DNAH14: variants seen among roughly 807,000 people sequenced by gnomAD.
The protein encoded by DNAH14 is dynein axonemal heavy chain 14, also known as axonemal beta dynein heavy chain 14.
DNAH14 carries 478 observed loss-of-function variants against 520.9 expected under a neutral mutation model. The ratio of observed to expected loss-of-function variants is 0.92; its 90% confidence interval spans 0.85 to 0.99. DNAH14 has a LOEUF of 0.99. Among genes scored for constraint, DNAH14 ranks in the 50% least tolerant of loss-of-function variants. The pLI, the probability that DNAH14 is intolerant of heterozygous loss-of-function variation, is 0.00. For missense variants in DNAH14, 4,831 were observed against 5,234.5 expected (o/e 0.92, Z 2.38); for synonymous variants, 1,581 against 1,757.2 (o/e 0.90, Z 2.51).
intron 17 of DNAH14, among the ~76,000 whole-genome samples, chr1:225,063,831 C>G (rs1208313932): frequency 2.0e-5 from 3 of 151,058 alleles, no homozygotes; most frequent in African/African-American, 7.3e-5. Context: ...AAAACAATGC[C>G]CAAAACATGA....
At position 225,023,635 on chromosome 1, in the gene DNAH14, C is replaced by A; in HGVS notation, c.1128C>A (p.Ile376=). 1.3e-6 allele frequency: 2 copies of A among 1,529,380 alleles called. No homozygotes were observed. The highest frequency in any genetic ancestry group is 2.5e-5 in the South Asian group (2 of 79,320). 94.7% of individuals were successfully genotyped at this position (1,529,380 alleles called of 1,614,324 possible). The change falls in exon 11 of 86, where the codon ATC becomes ATA. Residue 376 remains isoleucine, a synonymous_variant. Coordinates refer to ENST00000682510, the MANE Select transcript of DNAH14 (RefSeq NM_001367479.1). ...TFLKVAEKNE[I]KEYFESKLSE... is the part of the protein sequence containing the mutation. ...TGTAGGTTGCAGAAAAGAATGAAAT[C>A]AAAGAGTATTTTGAGTCAAAACTCT...
In DNAH14 at chr1:225,008,767, A is replaced by T. The variant is rs1028843562; in HGVS notation, c.1107+1223A>T. ...TGATCGCCCTTCTAACTGGCATGAG[A>T]TGGTATCTCATTGTGGTTTTGATTT... On this transcript the variant is annotated intron_variant, in intron 10 of 85. Transcript: ENST00000682510. Among the ~76,000 whole-genome samples, 8 of 151,720 alleles carry T rather than the reference A, an allele frequency of 5.3e-5. No individual in the cohort carries two copies. In the East Asian group the frequency reaches 1.4e-3, roughly 26 times the overall value.
chr1:225,035,477 A>G (rs531867903), intron 11 of DNAH14, among the ~76,000 whole-genome samples: 152 of 150,640 alleles, frequency 1.0e-3, no homozygotes, highest in African/African-American at 3.6e-3. Flanking sequence ...TTTAAGATGT[A>G]TCATTAGGTT....
chr1:225,368,037 G>A lies in DNAH14; in HGVS notation c.12318+5G>A. The A allele has an allele frequency of 6.5e-7, 1 of 1,538,236 alleles. No individual in the cohort carries two copies. The highest frequency in any genetic ancestry group is 8.8e-7 in the Non-Finnish European group (1 of 1,139,916). Reference sequence around the variant, plus strand: ...TTTAATTCTTCAGACTTGGGGGTAAGTGTAGTCTCTTCAAACAAACAACAA... The same window carrying A: ...TTTAATTCTTCAGACTTGGGGGTAAATGTAGTCTCTTCAAACAAACAACAA... On this transcript the variant is annotated splice_donor_5th_base_variant and intron_variant, in intron 77 of 85. Transcript: ENST00000682510.
Position 225,331,422 on chromosome 1 carries a change from T to A in DNAH14, c.9724-15T>A. 5 of 1,547,284 alleles carry A rather than the reference T, an allele frequency of 3.2e-6. No individual in the cohort carries two copies. The highest frequency in any genetic ancestry group is 4.4e-6 in the Non-Finnish European group (5 of 1,144,800). The stretch of plus-strand genomic sequence containing the variant: ...GTAAGATATTTTTCTCAATAATGAA[T>A]TAATTATCTTTCAGGTTGAAGAACA... On this transcript the variant is annotated splice_polypyrimidine_tract_variant and intron_variant, in intron 64 of 85. Transcript: ENST00000682510.
chr1:225,362,700 CA>C (rs924274609), intron 75 of DNAH14, among the ~76,000 whole-genome samples: 1 of 151,008 alleles, frequency 6.6e-6, no homozygotes, highest in African/African-American at 2.4e-5. Flanking sequence ...AGGCTACTAT[CA>C]AAAAAAAGAA....
Position 225,260,044 on chromosome 1 carries a change from A to G in DNAH14, c.7157+791A>G, listed in dbSNP as rs189150234. Among the ~76,000 whole-genome samples the G allele has an allele frequency of 9.9e-5, 15 of 152,198 alleles. No homozygotes were observed. In the East Asian group the frequency reaches 2.7e-3, roughly 27 times the overall value. On this transcript the variant is annotated intron_variant, in intron 46 of 85. Coordinates refer to ENST00000682510, the MANE Select transcript of DNAH14 (RefSeq NM_001367479.1). ...TATATATATATACACACACACACAG[A>G]CACCACATTTTAAAAATCCATTCAG...
chr1:225,045,896 C>G (rs191240130), intron 15 of DNAH14, among the ~76,000 whole-genome samples: 113 of 152,094 alleles, frequency 7.4e-4, no homozygotes, highest in African/African-American at 2.7e-3. Context: ...AAATTTTGCC[C>G]ACTAATTCTA....
intron 64 of DNAH14, among the ~76,000 whole-genome samples, chr1:225,326,053 G>A (rs1467385800): frequency 6.6e-6 from 1 of 152,184 alleles, no homozygotes; most frequent in Non-Finnish European, 1.5e-5. Context: ...GTAGCTTATA[G>A]TCTATAGAGT....
chr1:225,303,114 G>A, intron 56 of DNAH14, 42 bp from the exon 57 acceptor site: 1 of 1,307,456 alleles, frequency 7.6e-7, no homozygotes, highest in Non-Finnish European at 1.0e-6. Context: ...TTTCAAAACA[G>A]TGGATTACAT....
At chr1:225,138,353 C>G (rs2079143071) in intron 27 of DNAH14, among the ~76,000 whole-genome samples, 1 of 152,244 alleles carries the variant, frequency 6.6e-6, no homozygotes, top group Non-Finnish European at 1.5e-5. Flanking sequence ...GGATCTCAGT[C>G]CTATCCCTGG....
chr1:225,037,139 C>CAAT (rs2067044276), intron 11 of DNAH14, among the ~76,000 whole-genome samples: 1 of 152,066 alleles, frequency 6.6e-6, no homozygotes, highest in African/African-American at 2.4e-5. Flanking sequence ...TTGTAGGCAA[C>CAAT]AGTAGGTTGA....
chr1:225,291,508 C>T (rs956008498), intron 55 of DNAH14, among the ~76,000 whole-genome samples: 5 of 152,104 alleles, frequency 3.3e-5, no homozygotes, highest in African/African-American at 1.2e-4. Context: ...CCCCGACCTC[C>T]GAGGCTCAAG....
chr1:225,012,676 T>C (rs1411845210), intron 10 of DNAH14, among the ~76,000 whole-genome samples: 1 of 152,234 alleles, frequency 6.6e-6, no homozygotes, highest in Non-Finnish European at 1.5e-5. Context: ...TTCTTTTTTC[T>C]CTAGGCTTGT....
At chr1:225,311,766 G>A (rs1288320452) in intron 60 of DNAH14, among the ~76,000 whole-genome samples, 1 of 152,142 alleles carries the variant, frequency 6.6e-6, no homozygotes, top group South Asian at 2.1e-4. Flanking sequence ...GATGTGTAGG[G>A]TTATTTCTGA....
At chr1:224,999,620 T>A (rs1234810236) in intron 8 of DNAH14, among the ~76,000 whole-genome samples, 3 of 152,216 alleles carry the variant, frequency 2.0e-5, no homozygotes, top group Non-Finnish European at 4.4e-5. Flanking sequence ...CCATTTTTTT[T>A]ATTCTGTTCG....
At chr1:225,236,036 A>G (rs1158065967) in intron 42 of DNAH14, among the ~76,000 whole-genome samples, 1 of 152,086 alleles carries the variant, frequency 6.6e-6, no homozygotes, top group Non-Finnish European at 1.5e-5. Flanking sequence ...TATCTCCTTC[A>G]GTTCAGCTCT....
rs71170061 is a variant in DNAH14 at position 225,156,709 on chromosome 1, CTTTTTTTTTTTT to C, written c.5274-2593_5274-2582del. On this transcript the variant is annotated intron_variant, in intron 34 of 85. Transcript: ENST00000682510. The stretch of plus-strand genomic sequence containing the variant: ...TCTAGGATAAACTCCTCTTAAAATT[CTTTTTTTTTTTT>C]TTTTTTTTTTTGAGACGGAGTCTCG... Among the ~76,000 whole-genome samples the C allele has an allele frequency of 2.9e-5, 2 of 68,164 alleles. 1 individual carries two copies. The highest frequency in any genetic ancestry group is 1.5e-4 in the African/African-American group (2 of 13,410). The allele number at this position is 68,164 out of a possible 152,430, so 44.7% of individuals were successfully genotyped here.
chr1:225,279,508 T>C (rs1468333619), intron 54 of DNAH14, among the ~76,000 whole-genome samples: 1 of 152,178 alleles, frequency 6.6e-6, no homozygotes, highest in Non-Finnish European at 1.5e-5. Flanking sequence ...AATAAAATAA[T>C]GGTTATCTAG....
Sources: gnomAD v4.1 joint callset for allele counts (sites outside exome capture counted in the v4.1 genomes callset) on GRCh38, gnomAD v4.1.1 for gene constraint, MANE v1.5 for transcripts, NCBI Gene and HGNC (gene_info 2026-07-23, HGNC 2026-07-21) for gene names.